Variants in MTUS2 observed in about 807,000 individuals in gnomAD.
MTUS2 encodes microtubule associated scaffold protein 2.
In MTUS2, 40 loss-of-function variants were observed where a neutral mutation model predicts 114.1. The observed-to-expected ratio is 0.35, with a 90% confidence interval of 0.27 to 0.46. The LOEUF (loss-of-function observed/expected upper bound fraction) is 0.46. Ranked by LOEUF, MTUS2 falls within the 20% of genes least tolerant of loss-of-function variation. MTUS2 has a pLI of 1.00. For synonymous variants in MTUS2, 688 were observed against 672.0 expected (o/e 1.02, Z -0.37); for missense variants, 1,679 against 1,705.4 (o/e 0.98, Z 0.27).
At chr13:29,493,182 C>T (rs1160194858) in intron 12 of MTUS2, among the ~76,000 whole-genome samples, 3 of 152,188 alleles carry the variant, frequency 2.0e-5, no homozygotes, top group Non-Finnish European at 2.9e-5. Flanking sequence ...AGACGAAAAG[C>T]ACCTTCTCTT....
chr13:29,267,781 C>A lies in MTUS2; in HGVS notation c.2645-13923C>A, dbSNP rs931490781. On this transcript the variant is annotated intron_variant, in intron 5 of 15. Transcript: ENST00000612955. ...GAAAGTCTGTGGACCAGCAGGGAGG[C>A]CTGCATCCGAGGGTTGTGGGGAGAA... 3.6e-4 allele frequency among the ~76,000 whole-genome samples: 53 copies of A among 147,770 alleles called. No homozygotes were observed. In the Middle Eastern group the frequency reaches 0.018, roughly 50 times the overall value.
intron 2 of MTUS2, among the ~76,000 whole-genome samples, chr13:29,000,600 A>G (rs1312742506): frequency 6.6e-6 from 1 of 152,182 alleles, no homozygotes; most frequent in African/African-American, 2.4e-5. Flanking sequence ...TCCTGACCTC[A>G]GGTGATCCAC....
chr13:29,019,688 T>C (rs1303657267), intron 2 of MTUS2, among the ~76,000 whole-genome samples: 3 of 152,220 alleles, frequency 2.0e-5, no homozygotes, highest in African/African-American at 7.2e-5. Context: ...TATATGTCCA[T>C]GAGGAGGTCA....
intron 2 of MTUS2, among the ~76,000 whole-genome samples, chr13:29,007,533 A>G (rs940301891): frequency 2.0e-5 from 3 of 152,140 alleles, no homozygotes; most frequent in Non-Finnish European, 2.9e-5. Context: ...AGCAGTAACT[A>G]TTTACTTTAA....
At chr13:29,029,691 C>G (rs998167423) in intron 3 of MTUS2, among the ~76,000 whole-genome samples, 8 of 152,164 alleles carry the variant, frequency 5.3e-5, no homozygotes, top group African/African-American at 1.9e-4. Flanking sequence ...TATGGTGAGG[C>G]CTCAGGCTGC....
chr13:29,308,287 C>A (rs1899576906), intron 6 of MTUS2, among the ~76,000 whole-genome samples: 1 of 152,140 alleles, frequency 6.6e-6, no homozygotes, highest in Non-Finnish European at 1.5e-5. Flanking sequence ...ACAAACTTTA[C>A]AAAAGTAAGC....
At chr13:29,387,853 G>C (rs1166984019) in intron 8 of MTUS2, among the ~76,000 whole-genome samples, 1 of 152,110 alleles carries the variant, frequency 6.6e-6, no homozygotes, top group Non-Finnish European at 1.5e-5. Context: ...GAAGTCCCGT[G>C]AAAGGCAGTC....
At chr13:29,473,509 G>C (rs970352023) in intron 9 of MTUS2, among the ~76,000 whole-genome samples, 1 of 152,154 alleles carries the variant, frequency 6.6e-6, no homozygotes, top group Non-Finnish European at 1.5e-5. Flanking sequence ...TTGTTTCAAG[G>C]ATCACACTAC....
At chr13:28,841,695 T>G (rs530773366) in intron 2 of MTUS2, among the ~76,000 whole-genome samples, 3 of 148,824 alleles carry the variant, frequency 2.0e-5, no homozygotes, top group South Asian at 4.3e-4. Context: ...TGTTTTTTTG[T>G]TTTTTTTTTG....
At chr13:29,367,079 A>C (rs537396822) in intron 8 of MTUS2, among the ~76,000 whole-genome samples, 33 of 152,222 alleles carry the variant, frequency 2.2e-4, no homozygotes, top group African/African-American at 7.7e-4. Flanking sequence ...CTTGAAAACC[A>C]CATCTCGGCC....
intron 5 of MTUS2, among the ~76,000 whole-genome samples, chr13:29,200,833 T>C (rs1353396227): frequency 6.6e-6 from 1 of 152,186 alleles, no homozygotes; most frequent in Non-Finnish European, 1.5e-5. Flanking sequence ...GTCAGTTTCT[T>C]AATCCCGAGT....
intron 5 of MTUS2, among the ~76,000 whole-genome samples, chr13:29,220,692 T>G (rs539506474): frequency 1.3e-5 from 2 of 152,286 alleles, no homozygotes; most frequent in East Asian, 3.9e-4. Context: ...TAATATCAAA[T>G]GTCACTGATC....
chr13:28,901,778 A>G (rs948102650), intron 2 of MTUS2, among the ~76,000 whole-genome samples: 2 of 152,196 alleles, frequency 1.3e-5, no homozygotes, highest in Non-Finnish European at 2.9e-5. Flanking sequence ...AGTAAGTCTT[A>G]ATAGATAGAG....
At chr13:29,217,051 T>C (rs1895710110) in intron 5 of MTUS2, among the ~76,000 whole-genome samples, 1 of 152,210 alleles carries the variant, frequency 6.6e-6, no homozygotes, top group Admixed American at 6.5e-5. Context: ...AATTTGATTC[T>C]TAAGGAAATA....
chr13:29,299,248 T>C (rs1228984185), intron 6 of MTUS2, among the ~76,000 whole-genome samples: 1 of 152,172 alleles, frequency 6.6e-6, no homozygotes, highest in East Asian at 1.9e-4. Context: ...TGCTGTTCTT[T>C]CTGGCCAGAA....
chr13:29,056,672 CTTG>C (rs1410746152), intron 4 of MTUS2, among the ~76,000 whole-genome samples: 2 of 151,840 alleles, frequency 1.3e-5, no homozygotes, highest in African/African-American at 2.4e-5. Context: ...TTTATCATTT[CTTG>C]TTGTGTTTAT....
chr13:28,839,060 TTGAG>T (rs935176413), intron 1 of MTUS2, among the ~76,000 whole-genome samples: 11 of 152,074 alleles, frequency 7.2e-5, no homozygotes, highest in African/African-American at 2.2e-4. Context: ...AAAAAAATGG[TTGAG>T]TATCAGCAAT....
At chr13:29,037,434 G>C (rs367594142) in intron 4 of MTUS2, among the ~76,000 whole-genome samples, 3,070 of 152,030 alleles carry the variant, frequency 0.02, 99 homozygotes, top group African/African-American at 0.068. Context: ...CTCTCTGTCT[G>C]CCCTTAACAT....
intron 4 of MTUS2, among the ~76,000 whole-genome samples, chr13:29,055,104 T>C (rs1484324865): frequency 6.6e-6 from 1 of 152,110 alleles, no homozygotes; most frequent in Non-Finnish European, 1.5e-5. Flanking sequence ...TTAAAAAATT[T>C]GTTCTATCAG....
Sources: gnomAD v4.1 joint callset for allele counts (sites outside exome capture counted in the v4.1 genomes callset) on GRCh38, gnomAD v4.1.1 for gene constraint, MANE v1.5 for transcripts, NCBI Gene and HGNC (gene_info 2026-07-23, HGNC 2026-07-21) for gene names.